The following SH3RF2 variants were observed in gnomAD, a reference collection of about 807,000 sequenced individuals.
SH3RF2 encodes SH3 domain containing ring finger 2, also known as E3 ubiquitin-protein ligase SH3RF2.
Under a neutral mutation model 59.0 loss-of-function variants are expected in SH3RF2, and 43 were observed. The ratio of observed to expected loss-of-function variants is 0.73; its 90% CI spans 0.57 to 0.94. The LOEUF is 0.94. Among genes scored for constraint, SH3RF2 ranks in the 40% least tolerant of loss-of-function variants. SH3RF2 has a pLI of 0.00. For missense variants in SH3RF2, 930 were observed against 940.1 expected, an observed-to-expected ratio of 0.99 and a Z score of 0.14; for synonymous variants, 391 against 391.5, an observed-to-expected ratio of 1.00 and a Z score of 0.01.
downstream of SH3RF2, chr5:146,063,448 A>G (rs966354542): frequency 6.6e-6 from 1 of 152,388 alleles, no homozygotes; most frequent in Non-Finnish European, 1.5e-5. Context: ...AGGGCCATGT[A>G]TGGCATTATG....
At chr5:146,061,725 A>G (rs1486562661) in intron 9 of SH3RF2, among the ~76,000 whole-genome samples, 1 of 152,194 alleles carries the variant, frequency 6.6e-6, no homozygotes, top group Non-Finnish European at 1.5e-5. Context: ...GAATTGGCAT[A>G]AACTGGAGAC....
downstream of SH3RF2, among the ~76,000 whole-genome samples, chr5:146,064,886 CAGGG>C (rs753963284): frequency 6.8e-6 from 1 of 148,058 alleles, no homozygotes; most frequent in African/African-American, 2.5e-5. Flanking sequence ...GAAAAAGATG[CAGGG>C]AGGGAGGGAG....
intron 4 of SH3RF2, among the ~76,000 whole-genome samples, chr5:146,012,312 G>A (rs1760935457): frequency 6.6e-6 from 1 of 152,140 alleles, no homozygotes; most frequent in South Asian, 2.1e-4. Flanking sequence ...AGGGATATTG[G>A]TCTATAATTC....
chr5:146,066,403 A>G (rs1358335836), downstream of SH3RF2, among the ~76,000 whole-genome samples: 1 of 152,204 alleles, frequency 6.6e-6, no homozygotes, highest in South Asian at 2.1e-4. Context: ...GCCAACCTCA[A>G]TGGGCTATTA....
chr5:146,072,447 C>T (rs549771777), intron 9 of SH3RF2, among the ~76,000 whole-genome samples: 24 of 152,090 alleles, frequency 1.6e-4, no homozygotes, highest in Non-Finnish European at 2.1e-4. Context: ...CTGAGGCAGG[C>T]GGATCACAAG....
chr5:146,076,475 T>G (rs892156874), intron 9 of SH3RF2, among the ~76,000 whole-genome samples: 1 of 152,142 alleles, frequency 6.6e-6, no homozygotes, highest in Non-Finnish European at 1.5e-5. Context: ...AATAACAAAA[T>G]GAACCCCCCG....
intron 2 of SH3RF2, among the ~76,000 whole-genome samples, chr5:145,960,747 A>C (rs1758600589): frequency 6.6e-6 from 1 of 152,144 alleles, no homozygotes; most frequent in African/African-American, 2.4e-5. Context: ...TGGCATTTTT[A>C]CCCATGGAAG....
At chr5:146,033,890 C>T (rs952284826) in intron 5 of SH3RF2, among the ~76,000 whole-genome samples, 12 of 152,132 alleles carry the variant, frequency 7.9e-5, no homozygotes, top group Admixed American at 6.6e-4. Flanking sequence ...CAAATATATC[C>T]CCATTGTTTG....
At chr5:146,020,021 T>A (rs1356143714) in intron 5 of SH3RF2, among the ~76,000 whole-genome samples, 1 of 152,150 alleles carries the variant, frequency 6.6e-6, no homozygotes, top group Non-Finnish European at 1.5e-5. Flanking sequence ...TCTTTAGGGT[T>A]TTCTAGGTAT....
chr5:146,071,368 G>T (rs149712756), intron 9 of SH3RF2, among the ~76,000 whole-genome samples: 8 of 152,312 alleles, frequency 5.3e-5, no homozygotes, highest in Admixed American at 1.3e-4. Flanking sequence ...CTTAGATAGC[G>T]CTAGCCTCCA....
chr5:145,989,668 A>G (rs1294315257), intron 2 of SH3RF2, among the ~76,000 whole-genome samples: 1 of 152,224 alleles, frequency 6.6e-6, no homozygotes, highest in African/African-American at 2.4e-5. Context: ...TTAGCTCAGC[A>G]TATTGATGTT....
chr5:145,999,621 G>T (rs993806042), intron 2 of SH3RF2, among the ~76,000 whole-genome samples: 1 of 151,938 alleles, frequency 6.6e-6, no homozygotes, highest in Non-Finnish European at 1.5e-5. Context: ...TCAGAGAATA[G>T]GGAGGCCCAA....
intron 5 of SH3RF2, among the ~76,000 whole-genome samples, chr5:146,027,773 C>A (rs1403711908): frequency 1.3e-5 from 2 of 152,158 alleles, no homozygotes; most frequent in African/African-American, 4.8e-5. Flanking sequence ...TCTGCACACA[C>A]CTCTCCTTAG....
At chr5:146,026,599 C>G (rs248772) in intron 5 of SH3RF2, among the ~76,000 whole-genome samples, 46,457 of 152,178 alleles carry the variant, frequency 0.31, 8,100 homozygotes, top group Non-Finnish European at 0.39. Context: ...ATTTACACAA[C>G]AGACCTGTTT....
At chr5:146,017,965 TATA>T (rs1161263518) in intron 5 of SH3RF2, among the ~76,000 whole-genome samples, 1 of 152,110 alleles carries the variant, frequency 6.6e-6, no homozygotes, top group Non-Finnish European at 1.5e-5. Context: ...AGCCAGAAAC[TATA>T]ATAAGTGATT....
chr5:145,964,788 G>T (rs1052811382), intron 2 of SH3RF2, among the ~76,000 whole-genome samples: 3 of 152,120 alleles, frequency 2.0e-5, no homozygotes, highest in Admixed American at 6.5e-5. Context: ...TGCTCACAAA[G>T]CACGCTCCAG....
intron 5 of SH3RF2, among the ~76,000 whole-genome samples, chr5:146,017,222 T>C (rs1462874857): frequency 1.3e-5 from 2 of 152,136 alleles, no homozygotes; most frequent in Non-Finnish European, 2.9e-5. Context: ...CTGAAGATAC[T>C]GAGTAAGTTC....
intron 9 of SH3RF2, among the ~76,000 whole-genome samples, chr5:146,069,203 T>C (rs530925854): frequency 6.0e-4 from 91 of 152,352 alleles, no homozygotes; most frequent in Non-Finnish European, 2.8e-4. Flanking sequence ...ATTCTAAGGC[T>C]TTGATTCATT....
chr5:146,054,652 G>T (rs1158020049), intron 7 of SH3RF2, among the ~76,000 whole-genome samples: 1 of 152,194 alleles, frequency 6.6e-6, no homozygotes, highest in Non-Finnish European at 1.5e-5. Context: ...TAGAGCACTT[G>T]GTTGAATATA....
Sources: gnomAD v4.1 joint callset for allele counts (sites outside exome capture counted in the v4.1 genomes callset) on GRCh38, gnomAD v4.1.1 for gene constraint, MANE v1.5 for transcripts, NCBI Gene and HGNC (gene_info 2026-07-23, HGNC 2026-07-21) for gene names.